Variants in PNPLA8 observed in about 807,000 individuals in gnomAD.
PNPLA8 encodes the protein calcium-independent phospholipase A2-gamma.
Under a neutral mutation model 76.9 loss-of-function variants are expected in PNPLA8, and 39 were observed. The observed-to-expected ratio is 0.51, with a 90% CI of 0.39 to 0.66. The LOEUF (loss-of-function observed/expected upper bound fraction) is 0.66, where lower values mean the gene tolerates loss of function less well. PNPLA8 is among the 30% of genes least tolerant of loss of function. The pLI, the probability that PNPLA8 is intolerant of heterozygous loss-of-function variation, is 0.00. For synonymous variants in PNPLA8, 301 were observed against 307.9 expected (o/e 0.98, Z 0.24); for missense variants, 887 against 918.0 (o/e 0.97, Z 0.44).
intron 4 of PNPLA8, among the ~76,000 whole-genome samples, chr7:108,506,097 G>T (rs1336315512): frequency 6.6e-6 from 1 of 152,132 alleles, no homozygotes; most frequent in African/African-American, 2.4e-5. Context: ...ATTTAAAAAG[G>T]TTGGGCACAG....
At chr7:108,488,801 G>A (rs377124040) in intron 8 of PNPLA8, among the ~76,000 whole-genome samples, 15 of 152,248 alleles carry the variant, frequency 9.9e-5, no homozygotes, top group African/African-American at 3.6e-4. Flanking sequence ...TTTTATCACT[G>A]TCAGTTAAAT....
At chr7:108,500,120 A>C (rs1174117406) in intron 5 of PNPLA8, among the ~76,000 whole-genome samples, 1 of 152,160 alleles carries the variant, frequency 6.6e-6, no homozygotes, top group African/African-American at 2.4e-5. Flanking sequence ...CACTGTCCCC[A>C]GGATCTAAAT....
rs544401217 is a variant in PNPLA8 at position 108,505,766 on chromosome 7, T to C, written c.1207-3124A>G. 3.3e-5 allele frequency among the ~76,000 whole-genome samples: 5 copies of C among 152,272 alleles called. No homozygotes were observed. The South Asian group carries it at 1.0e-3, about 32-fold the overall frequency. ...TAAATTGGACAAAATTAAGAATATC[T>C]GTTCATCAAAAAACACAAGAGTGAG... On this transcript the variant is annotated intron_variant, in intron 4 of 10. Transcript: ENST00000257694.
chr7:108,523,602 G>C lies in PNPLA8; in HGVS notation c.-129-2081C>G, dbSNP rs563587524. Among the ~76,000 whole-genome samples, 3 of 152,288 alleles carry C rather than the reference G, an allele frequency of 2.0e-5. No homozygotes were observed. The East Asian group carries it at 5.8e-4, about 29-fold the overall frequency. ...TGGTCCAAGTTACCCTTCAGCTTCTGCTTTAAGGTCCATAAATACCCCTAA... is the reference window on the plus strand; with the variant it reads ...TGGTCCAAGTTACCCTTCAGCTTCTCCTTTAAGGTCCATAAATACCCCTAA... On this transcript the variant is annotated intron_variant, in intron 1 of 10. Transcript: ENST00000257694.
At chr7:108,497,967 C>A (rs1861663999) in intron 5 of PNPLA8, among the ~76,000 whole-genome samples, 2 of 142,188 alleles carry the variant, frequency 1.4e-5, no homozygotes, top group Admixed American at 1.4e-4. Flanking sequence ...AGTTCAAGAC[C>A]AGCTGAACAA....
intron 2 of PNPLA8, among the ~76,000 whole-genome samples, chr7:108,518,493 A>C (rs1352763980): frequency 6.6e-6 from 1 of 152,008 alleles, no homozygotes. Context: ...CCAAATGTAC[A>C]CTATGAACTT....
Position 108,526,116 on chromosome 7 carries a change from G to A in PNPLA8, c.-217C>T. 2 of 985,294 alleles carry A rather than the reference G, an allele frequency of 2.0e-6. No individual in the cohort carries two copies. Among genetic ancestry groups the A allele is most frequent in the Non-Finnish European group, 1.2e-6 (1 of 829,636 alleles). 61.0% of individuals were successfully genotyped at this position (985,294 alleles called of 1,614,324 possible). On this transcript the variant is annotated 5_prime_UTR_variant, in exon 1 of 11. Transcript: ENST00000257694. ...CCACTCCAACCGGCCTGCATCAGCT[G>A]AGCTTCCAACACAAACACTGGCGCA...
rs1431990780 is a variant in PNPLA8, at chr7:108,515,559, T to A, written c.-68A>T. The stretch of plus-strand genomic sequence containing the variant: ...TGAACGCTTCATTTAAGAAATGCCA[T>A]AATTCATGGTCTTACCTGAAATGGC... On this transcript the variant is annotated 5_prime_UTR_variant, in exon 3 of 11. An upstream start codon of the reference 5' UTR is lost. Transcript: ENST00000257694. The A allele has an allele frequency of 7.7e-7, 1 of 1,301,028 alleles. No individual in the cohort carries two copies. The highest frequency in any genetic ancestry group is 1.5e-5 in the African/African-American group (1 of 66,888). The allele number at this position is 1,301,028 out of a possible 1,614,324, so 80.6% of individuals were successfully genotyped here. A position where few individuals can be genotyped will look rare whatever the true frequency, so the allele number is the denominator to read the frequency against.
chr7:108,489,150 C>A (rs979084426), intron 8 of PNPLA8, among the ~76,000 whole-genome samples: 1 of 152,168 alleles, frequency 6.6e-6, no homozygotes, highest in Non-Finnish European at 1.5e-5. Context: ...AAACTGACAA[C>A]TTCATAATTT....
chr7:108,498,706 G>A (rs908409836), intron 5 of PNPLA8, among the ~76,000 whole-genome samples: 49 of 152,164 alleles, frequency 3.2e-4, no homozygotes, highest in African/African-American at 1.2e-3. Context: ...CTTGCCAACA[G>A]CAGTTAATAG....
intron 4 of PNPLA8, among the ~76,000 whole-genome samples, chr7:108,511,149 A>G (rs1365204243): frequency 1.3e-5 from 2 of 152,176 alleles, no homozygotes; most frequent in South Asian, 4.1e-4. Context: ...ATACCCAAAT[A>G]GCTTCAGTTG....
chr7:108,524,320 G>A (rs748009440), intron 1 of PNPLA8, among the ~76,000 whole-genome samples: 1 of 152,114 alleles, frequency 6.6e-6, no homozygotes, highest in Admixed American at 6.5e-5. Flanking sequence ...TTTCAAACAC[G>A]AAACTCTGGT....
In PNPLA8 at chr7:108,471,793, A is replaced by T. The variant is rs1474102466; in HGVS notation, c.*608T>A. ...GGTTGACTGGAACTTCACCTTTTTTAACCAAACAATGTTAAAATAAACATA... is the reference window on the plus strand; with the variant it reads ...GGTTGACTGGAACTTCACCTTTTTTTACCAAACAATGTTAAAATAAACATA... On this transcript the variant is annotated 3_prime_UTR_variant, in exon 11 of 11. Transcript: ENST00000257694. The T allele has an allele frequency of 6.6e-6, 1 of 152,174 alleles. No individual in the cohort carries two copies. Among genetic ancestry groups the T allele is most frequent in the Non-Finnish European group, 1.5e-5 (1 of 68,014 alleles). The allele number at this position is 152,174 out of a possible 1,614,324, so 9.4% of individuals were successfully genotyped here. A position where few individuals can be genotyped will look rare whatever the true frequency, so the allele number is the denominator to read the frequency against.
chr7:108,526,215 C>G (rs953546254), upstream of PNPLA8: 6 of 471,558 alleles, frequency 1.3e-5, no homozygotes, highest in Non-Finnish European at 1.7e-5. Flanking sequence ...AAGTTTGGGT[C>G]TACCCGCGGG....
At chr7:108,509,957 C>T (rs1242359210) in intron 4 of PNPLA8, among the ~76,000 whole-genome samples, 1 of 138,148 alleles carries the variant, frequency 7.2e-6, no homozygotes, top group Non-Finnish European at 1.5e-5. Context: ...TATTCTCACT[C>T]ATAGATGGGA....
At chr7:108,476,318 A>G (rs1859989833) in intron 10 of PNPLA8, among the ~76,000 whole-genome samples, 1 of 152,244 alleles carries the variant, frequency 6.6e-6, no homozygotes, top group Admixed American at 6.5e-5. Flanking sequence ...TGGTTTGCAC[A>G]AAGTACAGAC....
chr7:108,495,843 C>T (rs763832710), intron 7 of PNPLA8, among the ~76,000 whole-genome samples: 1 of 151,940 alleles, frequency 6.6e-6, no homozygotes, highest in East Asian at 1.9e-4. Context: ...ATTTTAAGAA[C>T]GTTTGAAAAA....
intron 1 of PNPLA8, among the ~76,000 whole-genome samples, chr7:108,523,426 AG>A (rs1198281208): frequency 6.6e-6 from 1 of 151,638 alleles, no homozygotes; most frequent in Non-Finnish European, 1.5e-5. Flanking sequence ...ATCTGGTACC[AG>A]GATTCTTTCC....
intron 9 of PNPLA8, chr7:108,480,603 T>C: frequency 4.2e-6 from 1 of 238,138 alleles, no homozygotes; most frequent in South Asian, 4.4e-5. Context: ...CTGCTGAGAA[T>C]TGTAACAGAC....
Sources: allele counts gnomAD v4.1 joint callset (sites outside exome capture counted in the v4.1 genomes callset), GRCh38; gene constraint gnomAD v4.1.1; transcripts MANE v1.5; gene names NCBI Gene and HGNC (gene_info 2026-07-23, HGNC 2026-07-21).